Variants in CACNA1A observed in about 807,000 individuals in gnomAD.
CACNA1A encodes the protein calcium voltage-gated channel subunit alpha1 A.
In CACNA1A, 57 loss-of-function variants were observed where a neutral mutation model predicts 262.4. The observed-to-expected ratio is 0.22, with a 90% confidence interval of 0.18 to 0.27. CACNA1A has a LOEUF of 0.27. Ranked by LOEUF, CACNA1A falls within the 10% of genes least tolerant of loss-of-function variation. The probability of loss-of-function intolerance (pLI) is 1.00; values close to 1 mark genes in which losing one functional copy is unlikely to be tolerated. For missense variants in CACNA1A, 2,526 were observed against 3,562.8 expected (o/e 0.71, Z 7.41); for synonymous variants, 1,431 against 1,419.3 (o/e 1.01, Z -0.18).
chr19:13,235,617 G>A lies in CACNA1A; in HGVS notation c.5064C>T (p.Phe1688=). 1 of 1,608,098 alleles carries A rather than the reference G, an allele frequency of 6.2e-7. No homozygotes were observed. The highest frequency in any genetic ancestry group is 8.5e-7 in the Non-Finnish European group (1 of 1,174,520). ...RILLWTFVQS[F]KALPYVCLLI... is the part of the protein sequence containing the mutation. ...AGCAGCAGGGACGAGGACTCACCTT[G>A]AAGGACTGCACAAAGGTCCAGAGAA... Residue 1688 remains phenylalanine (F), a synonymous_variant, in exon 32 of 47, where the codon TTC becomes TTT. Transcript: ENST00000360228.
At chr19:13,317,382 A>G in intron 10 of CACNA1A, 61 bp from the exon 11 acceptor site, 2 of 1,368,500 alleles carry the variant, frequency 1.5e-6, no homozygotes, top group Non-Finnish European at 2.0e-6. Flanking sequence ...AAATTAACCA[A>G]TGTGCAGCCC....
chr19:13,317,195 G>A lies in CACNA1A; in HGVS notation c.1472C>T (p.Thr491Ile), dbSNP rs1036662216. 2 of 1,613,626 alleles carry A rather than the reference G, an allele frequency of 1.2e-6. No homozygotes were observed. Among genetic ancestry groups the A allele is most frequent in the African/African-American group, 2.7e-5 (2 of 74,908 alleles). ...RMVKTQAFYW[T>I]VLSLVALNTL... ...GTTGAGAGCTACCAAACTGAGTACA[G>A]TCCAGTAGAAGGCCTGAGTTTTGAC... The change falls in exon 11 of 47, where the codon ACT (threonine) becomes ATT (isoleucine). Residue 491 changes from threonine (T) to isoleucine (I), a missense_variant. Physicochemically the swap from Thr to Ile is moderately conservative, Grantham distance 89. Transcript: ENST00000360228.
chr19:13,236,283 A>G lies in CACNA1A; in HGVS notation c.4951-553T>C, dbSNP rs2055871764. ...CATGTGCGGGTTCCGAGGGCATGTT[A>G]CGCTCCGGGCCAGAAATGCATCTGT... On this transcript the variant is annotated intron_variant, in intron 31 of 46. Coordinates refer to ENST00000360228, the MANE Select transcript of CACNA1A (RefSeq NM_001127222.2). This position sits in a 1 kb window ranked among gnomAD's most constrained non-coding sequence, Gnocchi z 4.6. Among the ~76,000 whole-genome samples, 1 of 152,110 alleles carries G rather than the reference A, an allele frequency of 6.6e-6. No individual in the cohort carries two copies. Among genetic ancestry groups the G allele is most frequent in the South Asian group, 2.1e-4 (1 of 4,832 alleles).
At position 13,346,641 on chromosome 19, in the gene CACNA1A, TATATATATATATATATATATA is replaced by T. The variant is rs1218238668; in HGVS notation, c.979-10753_979-10733del. ...TTATATATATATATATATATATATA[TATATATATATATATATATATA>T]TATATTTTTTTTTTTTTTTTTTTTT... On this transcript the variant is annotated intron_variant, in intron 6 of 46. Transcript: ENST00000360228. Among the ~76,000 whole-genome samples the T allele has an allele frequency of 2.2e-3, 33 of 15,092 alleles. 1 individual carries two copies. The highest frequency in any genetic ancestry group is 3.0e-3 in the South Asian group (1 of 332). The allele number at this position is 15,092 out of a possible 152,430, so 9.9% of individuals were successfully genotyped here. A position where few individuals can be genotyped will look rare whatever the true frequency, so the allele number is the denominator to read the frequency against.
rs559232599 is a variant in CACNA1A, at chr19:13,332,915, G to A, written c.1209C>T (p.Ile403=). 3.1e-6 allele frequency: 5 copies of A among 1,612,178 alleles called. No individual in the cohort carries two copies. In the African/African-American group the frequency reaches 6.7e-5, roughly 21 times the overall value. Residue 403 remains isoleucine, a synonymous_variant, in exon 9 of 47, where the codon ATC becomes ATT. Transcript: ENST00000360228. ...MEWISKAEEV[I]LAEDETDGEQ... ...CCCCGTCAGTTTCATCCTCGGCGAG[G>A]ATCACCTCTTCTGAAGAGGAAGAGC...
intron 3 of CACNA1A, among the ~76,000 whole-genome samples, chr19:13,418,211 C>T (rs2060257784): frequency 6.6e-6 from 1 of 152,020 alleles, no homozygotes; most frequent in Non-Finnish European, 1.5e-5. Context: ...ATGAAAAGTC[C>T]TTAGAACAAT....
chr19:13,419,592 G>A (rs1433906576), intron 3 of CACNA1A, among the ~76,000 whole-genome samples: 25 of 152,042 alleles, frequency 1.6e-4, no homozygotes, highest in South Asian at 2.1e-4. Flanking sequence ...TGGGAGGATC[G>A]CTTGAACCCA....
At chr19:13,297,977 G>A (rs1364652100) in intron 19 of CACNA1A, among the ~76,000 whole-genome samples, 1 of 151,682 alleles carries the variant, frequency 6.6e-6, no homozygotes, top group Non-Finnish European at 1.5e-5. Flanking sequence ...ATACAGGTGG[G>A]CACCACCACT....
rs866219359 is a variant in CACNA1A, at chr19:13,227,952, C to T, written c.5529-425G>A. Reference sequence around the variant, plus strand: ...TTAAAGAGACAGGGTCTCTCTCTGTCGCCTGGGTTGGAGTGCAGTGGTGTG... The same window carrying T: ...TTAAAGAGACAGGGTCTCTCTCTGTTGCCTGGGTTGGAGTGCAGTGGTGTG... On this transcript the variant is annotated intron_variant, in intron 36 of 46. Coordinates refer to ENST00000360228, the MANE Select transcript of CACNA1A (RefSeq NM_001127222.2). Among the ~76,000 whole-genome samples, 23 of 122,026 alleles carry T rather than the reference C, an allele frequency of 1.9e-4. No individual in the cohort carries two copies. In the Middle Eastern group the frequency reaches 0.029, roughly 152 times the overall value. 80.1% of individuals were successfully genotyped at this position (122,026 alleles called of 152,430 possible). A position where few individuals can be genotyped will look rare whatever the true frequency, so the allele number is the denominator to read the frequency against.
At chr19:13,281,373 G>A (rs1307143089) in intron 22 of CACNA1A, among the ~76,000 whole-genome samples, 7 of 117,406 alleles carry the variant, frequency 6.0e-5, no homozygotes, top group Non-Finnish European at 1.0e-4. Flanking sequence ...GAGAGACATT[G>A]TCTCTTAAAA....
At chr19:13,313,258 T>C (rs2058067135) in intron 11 of CACNA1A, among the ~76,000 whole-genome samples, 1 of 152,016 alleles carries the variant, frequency 6.6e-6, no homozygotes, top group South Asian at 2.1e-4. Context: ...TCCCAGCACT[T>C]TGGGAGGCCT....
rs978296698 is a variant in CACNA1A, at chr19:13,345,663, G to A, written c.979-9754C>T. On this transcript the variant is annotated intron_variant, in intron 6 of 46. Coordinates refer to ENST00000360228, the MANE Select transcript of CACNA1A (RefSeq NM_001127222.2). Reference sequence around the variant, plus strand: ...CAAAAGGAAAAAACCCCAAAACTCAGCTCAGGAGAACACCCGTTTCTCCAG... The same window carrying A: ...CAAAAGGAAAAAACCCCAAAACTCAACTCAGGAGAACACCCGTTTCTCCAG... 2.3e-4 allele frequency among the ~76,000 whole-genome samples: 35 copies of A among 152,230 alleles called. No individual in the cohort carries two copies. The Middle Eastern group carries it at 0.017, about 74-fold the overall frequency.
chr19:13,349,177 T>C (rs1038236577), intron 6 of CACNA1A, among the ~76,000 whole-genome samples: 1 of 152,130 alleles, frequency 6.6e-6, no homozygotes, highest in Non-Finnish European at 1.5e-5. Flanking sequence ...GGGCCTCCGT[T>C]TCCTCATCTG....
chr19:13,265,166 A>T (rs1600204028), intron 24 of CACNA1A, among the ~76,000 whole-genome samples: 1 of 152,108 alleles, frequency 6.6e-6, no homozygotes, highest in Non-Finnish European at 1.5e-5. Context: ...GAGCCACCGC[A>T]CCTGGCCATT....
chr19:13,379,032 G>C (rs1012665702), intron 3 of CACNA1A, among the ~76,000 whole-genome samples: 2 of 150,112 alleles, frequency 1.3e-5, no homozygotes, highest in Non-Finnish European at 2.9e-5. Flanking sequence ...CCAGGCTAGA[G>C]TGCAGTGGTG....
chr19:13,386,540 G>A lies in CACNA1A; in HGVS notation c.540-14761C>T, dbSNP rs2059617788. Among the ~76,000 whole-genome samples the A allele has an allele frequency of 2.0e-5, 3 of 152,182 alleles. No individual in the cohort carries two copies. The South Asian group carries it at 6.2e-4, about 32-fold the overall frequency. Reference sequence around the variant, plus strand: ...ACAGTGGCTCACGCCTGTAATCCCAGCCCTTTGGGAGGCCGAGGCAGGTGC... The same window carrying A: ...ACAGTGGCTCACGCCTGTAATCCCAACCCTTTGGGAGGCCGAGGCAGGTGC... On this transcript the variant is annotated intron_variant, in intron 3 of 46. Coordinates refer to ENST00000360228, the MANE Select transcript of CACNA1A (RefSeq NM_001127222.2).
intron 1 of CACNA1A, among the ~76,000 whole-genome samples, chr19:13,473,224 T>C (rs933449408): frequency 8.1e-5 from 12 of 148,562 alleles, no homozygotes; most frequent in African/African-American, 3.0e-4. Flanking sequence ...GCTGTACTCT[T>C]GTACAGGGTG....
In CACNA1A at chr19:13,310,514, G is replaced by GAGA. The variant is rs2058010297; in HGVS notation, c.1669-1987_1669-1986insTCT. Among the ~76,000 whole-genome samples, 4 of 9,522 alleles carry GAGA rather than the reference G, an allele frequency of 4.2e-4. 1 individual carries two copies. Among genetic ancestry groups the GAGA allele is most frequent in the Admixed American group, 9.2e-4 (1 of 1,090 alleles). 6.2% of individuals were successfully genotyped at this position (9,522 alleles called of 152,430 possible). A position where few individuals can be genotyped will look rare whatever the true frequency, so the allele number is the denominator to read the frequency against. On this transcript the variant is annotated intron_variant, in intron 12 of 46. Coordinates refer to ENST00000360228, the MANE Select transcript of CACNA1A (RefSeq NM_001127222.2). ...AATATATATATATATATATATATAT[G>GAGA]TAGAGAGAGAGAGAGAGTTTAATTT...
chr19:13,407,957 T>G (rs1051608896), intron 3 of CACNA1A, among the ~76,000 whole-genome samples: 7 of 149,970 alleles, frequency 4.7e-5, no homozygotes, highest in Non-Finnish European at 7.4e-5. Flanking sequence ...TGAGACCTGG[T>G]TTTGTAGCAC....
Sources: gnomAD v4.1 joint callset for allele counts (sites outside exome capture counted in the v4.1 genomes callset) on GRCh38, gnomAD v4.1.1 for gene constraint, Gnocchi (gnomAD v3.1) non-coding constraint, MANE v1.5 for transcripts, NCBI Gene and HGNC (gene_info 2026-07-23, HGNC 2026-07-21) for gene names.